EPB41L5: variants seen among roughly 807,000 people sequenced by gnomAD.
The protein encoded by EPB41L5 is band 4.1-like protein 5.
A neutral mutation model predicts 106.6 loss-of-function variants in EPB41L5; 55 were observed. That is an observed-to-expected ratio of 0.52 (90% confidence interval 0.42 to 0.65). The LOEUF is 0.65. EPB41L5 is among the 30% of genes least tolerant of loss of function. EPB41L5 has a pLI of 0.00. For synonymous variants in EPB41L5, 297 were observed against 306.7 expected (o/e 0.97, Z 0.33); for missense variants, 871 against 882.1 (o/e 0.99, Z 0.16).
At chr2:120,041,352 T>A (rs1041785934) in intron 2 of EPB41L5, among the ~76,000 whole-genome samples, 3 of 152,158 alleles carry the variant, frequency 2.0e-5, no homozygotes, top group African/African-American at 4.8e-5. Context: ...GAAAGGGTCT[T>A]GGAAACCCTC....
intron 10 of EPB41L5, among the ~76,000 whole-genome samples, chr2:120,082,797 T>C (rs1682770278): frequency 6.6e-6 from 1 of 152,216 alleles, no homozygotes; most frequent in Non-Finnish European, 1.5e-5. Flanking sequence ...GTTATTGGTC[T>C]ATTCAGGGAT....
chr2:120,118,231 A>G (rs1685039898), intron 16 of EPB41L5, among the ~76,000 whole-genome samples: 1 of 152,204 alleles, frequency 6.6e-6, no homozygotes, highest in African/African-American at 2.4e-5. Context: ...ATGGCTTTCC[A>G]ATTATGTCAA....
At chr2:120,016,071 G>A (rs1047543623) in intron 1 of EPB41L5, among the ~76,000 whole-genome samples, 4 of 152,122 alleles carry the variant, frequency 2.6e-5, no homozygotes, top group African/African-American at 9.7e-5. Flanking sequence ...GCACATGTGT[G>A]ATTTTTTTTC....
intron 3 of EPB41L5, among the ~76,000 whole-genome samples, chr2:120,063,834 C>T (rs1355175292): frequency 1.3e-5 from 2 of 151,796 alleles, no homozygotes; most frequent in African/African-American, 4.8e-5. Flanking sequence ...CCCAGCTACT[C>T]AGGAGTCTGA....
chr2:120,172,943 T>G (rs1360465085), intron 24 of EPB41L5, among the ~76,000 whole-genome samples: 1 of 152,122 alleles, frequency 6.6e-6, no homozygotes, highest in East Asian at 1.9e-4. Context: ...CCTGAGAGGT[T>G]AGGGATAGAT....
chr2:120,122,708 G>T (rs917696408), intron 16 of EPB41L5, among the ~76,000 whole-genome samples: 11 of 152,030 alleles, frequency 7.2e-5, no homozygotes, highest in Admixed American at 2.0e-4. Flanking sequence ...TCCAATTCTG[G>T]GTAGAAAGTC....
chr2:120,090,880 G>A (rs985887441), intron 12 of EPB41L5, among the ~76,000 whole-genome samples: 33 of 152,264 alleles, frequency 2.2e-4, no homozygotes, highest in African/African-American at 7.5e-4. Flanking sequence ...GATAACATTT[G>A]TGGTCCTTTA....
At chr2:120,080,207 G>T (rs540604631) in intron 10 of EPB41L5, among the ~76,000 whole-genome samples, 1 of 151,514 alleles carries the variant, frequency 6.6e-6, no homozygotes, top group Non-Finnish European at 1.5e-5. Context: ...GTGCTGCACC[G>T]ATTAACTCGT....
intron 10 of EPB41L5, among the ~76,000 whole-genome samples, chr2:120,084,288 C>T (rs1186458355): frequency 6.6e-6 from 1 of 152,160 alleles, no homozygotes; most frequent in Non-Finnish European, 1.5e-5. Flanking sequence ...GTGTTTAGTG[C>T]ATCCTTCAGG....
chr2:120,074,988 C>G (rs548764835), intron 5 of EPB41L5, among the ~76,000 whole-genome samples: 1 of 152,294 alleles, frequency 6.6e-6, no homozygotes, highest in South Asian at 2.1e-4. Context: ...GCTCACACCC[C>G]CAGCCAATTT....
intron 16 of EPB41L5, among the ~76,000 whole-genome samples, chr2:120,123,621 G>A (rs1479969302): frequency 1.4e-5 from 2 of 144,666 alleles, no homozygotes; most frequent in Non-Finnish European, 3.0e-5. Flanking sequence ...GTGCAGTGGT[G>A]AATGGGGATG....
At chr2:120,062,641 G>A (rs1000060321) in intron 3 of EPB41L5, among the ~76,000 whole-genome samples, 1 of 152,058 alleles carries the variant, frequency 6.6e-6, no homozygotes, top group East Asian at 1.9e-4. Flanking sequence ...AATATTTATT[G>A]CTACATTAGA....
intron 14 of EPB41L5, among the ~76,000 whole-genome samples, chr2:120,093,657 C>T (rs2105374256): frequency 6.6e-6 from 1 of 152,164 alleles, no homozygotes; most frequent in East Asian, 1.9e-4. Flanking sequence ...GTGTATAGAC[C>T]TTCTTTATGT....
intron 16 of EPB41L5, among the ~76,000 whole-genome samples, chr2:120,124,469 A>G (rs1685370011): frequency 2.0e-5 from 3 of 152,212 alleles, no homozygotes; most frequent in Admixed American, 6.5e-5. Flanking sequence ...ATATGTTATC[A>G]TATTTGCTCG....
At chr2:120,042,356 G>C (rs1196246630) in intron 3 of EPB41L5, among the ~76,000 whole-genome samples, 1 of 152,140 alleles carries the variant, frequency 6.6e-6, no homozygotes, top group East Asian at 1.9e-4. Flanking sequence ...TGGGGCTCCA[G>C]AATCTTTGTT....
chr2:120,077,172 G>T lies in EPB41L5; in HGVS notation c.627-57G>T, dbSNP rs567691595. The T allele has an allele frequency of 5.9e-5, 94 of 1,583,022 alleles. 1 individual carries two copies. The South Asian group carries it at 1.1e-3, about 18-fold the overall frequency. On this transcript the variant is annotated intron_variant, in intron 8 of 24. Coordinates refer to ENST00000263713, the MANE Select transcript of EPB41L5 (RefSeq NM_020909.4). ...TCATTTTCTTCTGTTTCTATCCTTG[G>T]TATAGAATTTATTTTATATTTATTG... is the stretch of plus-strand genomic sequence containing the variant.
intron 3 of EPB41L5, among the ~76,000 whole-genome samples, chr2:120,044,170 A>AT: frequency 6.6e-6 from 1 of 151,280 alleles, no homozygotes; most frequent in Non-Finnish European, 1.5e-5. Flanking sequence ...ATATATGGCC[A>AT]TGCATATACA....
intron 11 of EPB41L5, among the ~76,000 whole-genome samples, chr2:120,087,622 C>G (rs922236946): frequency 5.9e-5 from 9 of 152,110 alleles, no homozygotes; most frequent in African/African-American, 1.7e-4. Flanking sequence ...GTAGCTGGGA[C>G]TGCAGGCACA....
At chr2:120,173,441 G>A (rs1027885700) in intron 24 of EPB41L5, among the ~76,000 whole-genome samples, 4 of 152,078 alleles carry the variant, frequency 2.6e-5, no homozygotes, top group South Asian at 2.1e-4. Context: ...AGTCTGATTC[G>A]GTATATCTGG....
Sources: gnomAD v4.1 joint callset for allele counts (sites outside exome capture counted in the v4.1 genomes callset) on GRCh38, gnomAD v4.1.1 for gene constraint, MANE v1.5 for transcripts, NCBI Gene and HGNC (gene_info 2026-07-23, HGNC 2026-07-21) for gene names.